The following B4GALT4 variants were observed in gnomAD, a reference collection of about 807,000 sequenced individuals.
B4GALT4 encodes the protein beta-1,4-galactosyltransferase 4, also known as N-acetyllactosamine synthase.
B4GALT4 carries 27 observed loss-of-function variants against 37.3 expected under a neutral mutation model. The ratio of observed to expected loss-of-function variants is 0.72; its 90% confidence interval spans 0.53 to 1.00. The LOEUF (loss-of-function observed/expected upper bound fraction) is 1.00, where lower values mean the gene tolerates loss of function less well. Among genes scored for constraint, B4GALT4 ranks in the 50% least tolerant of loss-of-function variants. The probability of loss-of-function intolerance (pLI) is 0.00; values close to 1 mark genes in which losing one functional copy is unlikely to be tolerated. For synonymous variants in B4GALT4, 148 were observed against 154.1 expected, an observed-to-expected ratio of 0.96 and a Z score of 0.29; for missense variants, 372 against 413.1, an observed-to-expected ratio of 0.90 and a Z score of 0.86.
rs752039854 is a variant in B4GALT4, at chr3:119,230,082, A to G, written c.18T>C (p.Thr6=). MGFNL[T]FHLSYKFRLL... ...ATCGGAATTTGTAGGAAAGGTGGAA[A>G]GTCAGGTTGAAGCCCATGTTTTTTA... The change falls in exon 3 of 8, where the codon ACT becomes ACC. Residue 6 remains threonine, a synonymous_variant. Coordinates refer to ENST00000393765, the MANE Select transcript of B4GALT4 (RefSeq NM_003778.4). 1 of 1,614,208 alleles carries G rather than the reference A, an allele frequency of 6.2e-7. No homozygotes were observed. Among genetic ancestry groups the G allele is most frequent in the East Asian group, 2.2e-5 (1 of 44,884 alleles).
intron 6 of B4GALT4, among the ~76,000 whole-genome samples, chr3:119,217,800 G>A (rs868578696): frequency 2.1e-5 from 3 of 139,912 alleles, no homozygotes; most frequent in East Asian, 2.1e-4. Flanking sequence ...TCGAGATCAC[G>A]TCACTGCACT....
chr3:119,234,993 T>C (rs2078942594), intron 2 of B4GALT4: 4 of 152,248 alleles, frequency 2.6e-5, no homozygotes, highest in Admixed American at 2.0e-4. Context: ...AATTAAAGCC[T>C]AGTCTTTGTA....
rs967849130 is a variant in B4GALT4, at chr3:119,221,323, T to C, written c.675-2551A>G. On this transcript the variant is annotated intron_variant, in intron 5 of 7. Coordinates refer to ENST00000393765, the MANE Select transcript of B4GALT4 (RefSeq NM_003778.4). ...TGGCTTCATCAGAGTCTGAGAGACT[T>C]GGGGCAACTTACTTTAACTTCTTCC... Among the ~76,000 whole-genome samples the C allele has an allele frequency of 4.6e-5, 7 of 152,198 alleles. No individual in the cohort carries two copies. In the East Asian group the frequency reaches 1.3e-3, roughly 29 times the overall value.
At position 119,237,260 on chromosome 3, in the gene B4GALT4, C is replaced by G. The variant is rs891053448; in HGVS notation, c.-363-190G>C. 2.4e-5 allele frequency among the ~76,000 whole-genome samples: 3 copies of G among 127,534 alleles called. No individual in the cohort carries two copies. The East Asian group carries it at 6.3e-4, about 27-fold the overall frequency. 83.7% of individuals were successfully genotyped at this position (127,534 alleles called of 152,430 possible). A position where few individuals can be genotyped will look rare whatever the true frequency, so the allele number is the denominator to read the frequency against. ...TTACTTTCTGCAGTCATTAGGGGCA[C>G]CTCACCGTAAACCTTAAAAAGGTTT... On this transcript the variant is annotated intron_variant, in intron 1 of 7. Coordinates refer to ENST00000393765, the MANE Select transcript of B4GALT4 (RefSeq NM_003778.4).
At position 119,222,056 on chromosome 3, in the gene B4GALT4, T is replaced by C. The variant is rs530787761; in HGVS notation, c.674+2002A>G. Among the ~76,000 whole-genome samples the C allele has an allele frequency of 4.6e-4, 70 of 152,288 alleles. 1 individual carries two copies. In the South Asian group the frequency reaches 0.012, roughly 26 times the overall value. On this transcript the variant is annotated intron_variant, in intron 5 of 7. Coordinates refer to ENST00000393765, the MANE Select transcript of B4GALT4 (RefSeq NM_003778.4). ...CTTATGGTTCAGCTTAATAGAAAGA[T>C]AAAATCTAGAATCCCAGCAAAAAAC...
chr3:119,226,603 T>G, intron 4 of B4GALT4: 1 of 577,482 alleles, frequency 1.7e-6, no homozygotes, highest in Non-Finnish European at 3.0e-6. Flanking sequence ...TTAAGGGCAG[T>G]AAAATTTCCC....
chr3:119,211,820 T>C lies in B4GALT4; in HGVS notation c.*729A>G, dbSNP rs2078169969. On this transcript the variant is annotated 3_prime_UTR_variant, in exon 8 of 8. Coordinates refer to ENST00000393765, the MANE Select transcript of B4GALT4 (RefSeq NM_003778.4). ...AATATGTAAACTTGTAAACTGCTAA[T>C]TCATATCCTACTTGTACAAAATCAT... is the stretch of plus-strand genomic sequence containing the variant. 3.6e-6 allele frequency: 1 copy of C among 274,988 alleles called. No homozygotes were observed. The highest frequency in any genetic ancestry group is 4.7e-5 in the Admixed American group (1 of 21,300). 17.0% of individuals were successfully genotyped at this position (274,988 alleles called of 1,614,324 possible).
At chr3:119,217,179 T>C (rs1015346620) in intron 6 of B4GALT4, among the ~76,000 whole-genome samples, 2 of 152,372 alleles carry the variant, frequency 1.3e-5, no homozygotes, top group Non-Finnish European at 2.9e-5. Flanking sequence ...ACTGAAGATA[T>C]GTGATCAGGG....
At chr3:119,224,557 C>T (rs12487934) in intron 4 of B4GALT4, among the ~76,000 whole-genome samples, 6,497 of 152,238 alleles carry the variant, frequency 0.043, 276 homozygotes, top group Admixed American at 0.15. Flanking sequence ...AAATACACTG[C>T]ATATATTTAT....
Position 119,218,707 on chromosome 3 carries a change from T to C in B4GALT4, c.740A>G (p.Asn247Ser), listed in dbSNP as rs2078361076. The C allele has an allele frequency of 6.2e-7, 1 of 1,614,066 alleles. No homozygotes were observed. Among genetic ancestry groups the C allele is most frequent in the African/African-American group, 1.3e-5 (1 of 74,930 alleles). ...TCCCCAGTAGTTGTTAGAGAATCCA[T>C]TCACCTTGAAAAACTGCTCTCTGCT... is the stretch of plus-strand genomic sequence containing the variant. ...ALSREQFFKV[N>S]GFSNNYWGWG... The change falls in exon 6 of 8, where the codon AAT (asparagine) becomes AGT (serine). Residue 247 changes from asparagine (N) to serine (S), a missense_variant. Coordinates refer to ENST00000393765, the MANE Select transcript of B4GALT4 (RefSeq NM_003778.4).
chr3:119,212,446 A>T lies in B4GALT4; in HGVS notation c.*103T>A. On this transcript the variant is annotated 3_prime_UTR_variant, in exon 8 of 8. Coordinates refer to ENST00000393765, the MANE Select transcript of B4GALT4 (RefSeq NM_003778.4). ...AAAGGAAAAATTCAGCTCAACAATGAGCTGTAACAGGTTCTTAATGTGTGC... is the reference window on the plus strand; with the variant it reads ...AAAGGAAAAATTCAGCTCAACAATGTGCTGTAACAGGTTCTTAATGTGTGC... 1 of 1,190,052 alleles carries T rather than the reference A, an allele frequency of 8.4e-7. No homozygotes were observed. The highest frequency in any genetic ancestry group is 1.2e-6 in the Non-Finnish European group (1 of 845,150). The allele number at this position is 1,190,052 out of a possible 1,614,324, so 73.7% of individuals were successfully genotyped here. A position where few individuals can be genotyped will look rare whatever the true frequency, so the allele number is the denominator to read the frequency against.
intron 1 of B4GALT4, 194 bp downstream of exon 1, chr3:119,240,633 AGCCGGTGCCTCCCGCCAGGCTCG>A (rs2079129568): frequency 6.6e-6 from 1 of 152,096 alleles, no homozygotes. Context: ...CCAGCACCTG[AGCCGGTGCCTCCCGCCAGGCTCG>A]GCCTCCGTAG....
intron 2 of B4GALT4, chr3:119,232,332 T>G (rs1263285581): frequency 1.3e-5 from 2 of 152,216 alleles, no homozygotes; most frequent in Non-Finnish European, 2.9e-5. Context: ...CCTATGTAAT[T>G]CTCATTTAAC....
chr3:119,230,548 G>C (rs1202541806), intron 2 of B4GALT4, among the ~76,000 whole-genome samples: 1 of 152,222 alleles, frequency 6.6e-6, no homozygotes, highest in Admixed American at 6.5e-5. Context: ...ACCTGAGCTG[G>C]ACACAGCCTA....
intron 1 of B4GALT4, among the ~76,000 whole-genome samples, chr3:119,238,032 C>G (rs1192311396): frequency 2.0e-5 from 3 of 151,950 alleles, no homozygotes; most frequent in African/African-American, 7.3e-5. Context: ...TTTGGAAGGC[C>G]GAGGCGGGAG....
intron 2 of B4GALT4, among the ~76,000 whole-genome samples, chr3:119,233,460 C>T (rs969173960): frequency 3.3e-5 from 5 of 152,094 alleles, no homozygotes; most frequent in African/African-American, 1.2e-4. Context: ...ACAATATTCC[C>T]GGTATGCAAA....
At chr3:119,220,143 G>T (rs530947771) in intron 5 of B4GALT4, among the ~76,000 whole-genome samples, 2 of 152,264 alleles carry the variant, frequency 1.3e-5, no homozygotes, top group African/African-American at 4.8e-5. Flanking sequence ...TTAAAATTCT[G>T]GGAAATTGTA....
intron 1 of B4GALT4, among the ~76,000 whole-genome samples, chr3:119,239,869 C>T (rs1405752279): frequency 6.6e-6 from 1 of 152,152 alleles, no homozygotes; most frequent in Non-Finnish European, 1.5e-5. Context: ...CACTCCCCGC[C>T]TGGGTCTCGG....
chr3:119,226,478 T>C lies in B4GALT4; in HGVS notation c.486+331A>G, dbSNP rs193066859. The C allele has an allele frequency of 1.1e-3, 366 of 331,274 alleles. 1 individual carries two copies. The highest frequency in any genetic ancestry group is 1.4e-3 in the Non-Finnish European group (251 of 175,290). 20.5% of individuals were successfully genotyped at this position (331,274 alleles called of 1,614,324 possible). On this transcript the variant is annotated intron_variant, in intron 4 of 7. Transcript: ENST00000393765. The stretch of plus-strand genomic sequence containing the variant: ...ACAATTCCAGAATCTCATCATATAG[T>C]GCATGGCACGCACAGAAAGAAACAG...
Sources: gnomAD v4.1 joint callset for allele counts (sites outside exome capture counted in the v4.1 genomes callset) on GRCh38, gnomAD v4.1.1 for gene constraint, MANE v1.5 for transcripts, NCBI Gene and HGNC (gene_info 2026-07-23, HGNC 2026-07-21) for gene names.